FSCN1: variants seen among roughly 807,000 people sequenced by gnomAD.
The protein encoded by FSCN1 is fascin actin-bundling protein 1.
A neutral mutation model predicts 39.7 loss-of-function variants in FSCN1; 10 were observed. The ratio of observed to expected loss-of-function variants is 0.25; its 90% CI spans 0.16 to 0.43. The LOEUF (loss-of-function observed/expected upper bound fraction) is 0.43, where lower values mean the gene tolerates loss of function less well. Ranked by LOEUF, FSCN1 falls within the 20% of genes least tolerant of loss-of-function variation. FSCN1 has a pLI of 1.00. For synonymous variants in FSCN1, 322 were observed against 320.0 expected (o/e 1.01, Z -0.07); for missense variants, 525 against 723.8 (o/e 0.73, Z 3.15).
chr7:5,592,950 G>C lies in FSCN1; in HGVS notation c.14G>C (p.Gly5Ala). The change falls in exon 1 of 5, where the codon GGC becomes GCC. Residue 5 changes from glycine (G) to alanine (A), a missense_variant. Physicochemically the swap from Gly to Ala is moderately conservative, Grantham distance 60. Around this residue, in one of 3 missense-constraint regions of FSCN1, gnomAD observed 246 missense variants for 350.6 expected, o/e 0.70. Coordinates refer to ENST00000382361, the MANE Select transcript of FSCN1 (RefSeq NM_003088.4). The surrounding 1 kb of genome is among the most constrained non-coding windows in gnomAD (Gnocchi z 5.3). Reference protein sequence around the residue: MTANGTAEAVQIQFG... With the variant: MTANATAEAVQIQFG... ...TCTACTGCCACCATGACCGCCAACG[G>C]CACAGCCGAGGCGGTGCAGATCCAG... is the stretch of plus-strand genomic sequence containing the variant. The C allele has an allele frequency of 6.5e-7, 1 of 1,547,870 alleles. No homozygotes were observed. Among genetic ancestry groups the C allele is most frequent in the Non-Finnish European group, 8.7e-7 (1 of 1,146,466 alleles).
chr7:5,605,261 C>T lies in FSCN1; in HGVS notation c.1280-11C>T, dbSNP rs1346963520. ...GGCTTTGGGCCCCACTTGATAAAGT[C>T]CCCTCCCCAGACTCCACAGGCAAAT... On this transcript the variant is annotated splice_polypyrimidine_tract_variant and intron_variant, in intron 4 of 4. Transcript: ENST00000382361. This position sits in a 1 kb window ranked among gnomAD's most constrained non-coding sequence, Gnocchi z 6.9. 1.2e-6 allele frequency: 2 copies of T among 1,607,556 alleles called. No individual in the cohort carries two copies. The highest frequency in any genetic ancestry group is 2.2e-5 in the East Asian group (1 of 44,826).
intron 1 of FSCN1, 163 bp downstream of exon 1, chr7:5,593,931 G>A: frequency 2.7e-5 from 16 of 584,846 alleles, no homozygotes; most frequent in South Asian, 2.7e-4. Context: ...CCTGGAGGGG[G>A]CGAGGAGTGG....
intron 1 of FSCN1, among the ~76,000 whole-genome samples, chr7:5,601,679 T>C (rs1186840819): frequency 4.6e-5 from 7 of 151,632 alleles, no homozygotes; most frequent in African/African-American, 1.5e-4. Flanking sequence ...CTGTACCAAA[T>C]AGAAAAAAAA....
chr7:5,593,185 G>C lies in FSCN1; in HGVS notation c.249G>C (p.Glu83Asp), dbSNP rs777152271. ...DKDGNVTCER[E>D]VPGPDCRFLI... ...ACGGCAACGTGACCTGCGAGCGCGAGGTGCCCGGTCCCGACTGCCGTTTCC... is the reference window on the plus strand; with the variant it reads ...ACGGCAACGTGACCTGCGAGCGCGACGTGCCCGGTCCCGACTGCCGTTTCC... The change falls in exon 1 of 5, where the codon GAG becomes GAC. Residue 83 changes from glutamate to aspartate, a missense_variant. Physicochemically the swap from Glu to Asp is conservative, Grantham distance 45. Around this residue, in one of 3 missense-constraint regions of FSCN1, gnomAD observed 246 missense variants for 350.6 expected, o/e 0.70. Transcript: ENST00000382361. The C allele has an allele frequency of 1.0e-5, 16 of 1,602,668 alleles. No homozygotes were observed. The highest frequency in any genetic ancestry group is 1.1e-5 in the Non-Finnish European group (13 of 1,175,936).
Position 5,603,077 on chromosome 7 carries a change from C to A in FSCN1, c.833-180C>A. The A allele has an allele frequency of 3.1e-6, 2 of 653,818 alleles. No homozygotes were observed. The highest frequency in any genetic ancestry group is 2.7e-5 in the Admixed American group (1 of 36,518). The allele number at this position is 653,818 out of a possible 1,614,324, so 40.5% of individuals were successfully genotyped here. A position where few individuals can be genotyped will look rare whatever the true frequency, so the allele number is the denominator to read the frequency against. On this transcript the variant is annotated intron_variant, in intron 1 of 4. Transcript: ENST00000382361. This position sits in a 1 kb window ranked among gnomAD's most constrained non-coding sequence, Gnocchi z 8.5. ...GTAGCTTGCCTTGGCCTCTGACCGG[C>A]CCTGCCTGCGTTCCTGGGTGCTCTC... is the stretch of plus-strand genomic sequence containing the variant.
At chr7:5,596,312 C>T (rs767424103) in intron 1 of FSCN1, among the ~76,000 whole-genome samples, 2 of 152,150 alleles carry the variant, frequency 1.3e-5, no homozygotes, top group Non-Finnish European at 2.9e-5. Context: ...CAGGCCTGCA[C>T]GGGCGGGCCC....
Position 5,593,014 on chromosome 7 carries a change from C to G in FSCN1, c.78C>G (p.Ala26=), listed in dbSNP as rs1338118520. The G allele has an allele frequency of 5.0e-6, 8 of 1,596,274 alleles. No individual in the cohort carries two copies. The South Asian group carries it at 7.9e-5, about 16-fold the overall frequency. The change falls in exon 1 of 5, where the codon GCC becomes GCG. Residue 26 remains alanine, a synonymous_variant. Transcript: ENST00000382361. The part of the protein sequence containing the change: ...LINCGNKYLT[A]EAFGFKVNAS... ...ACTGCGGCAACAAGTACCTGACGGC[C>G]GAGGCGTTCGGGTTCAAGGTGAACG... is the stretch of plus-strand genomic sequence containing the variant.
chr7:5,602,597 A>G (rs1785854960), intron 1 of FSCN1, among the ~76,000 whole-genome samples: 1 of 152,228 alleles, frequency 6.6e-6, no homozygotes. Context: ...TTATGTAACC[A>G]CAACGTGATC....
At chr7:5,597,346 G>A (rs760713494) in intron 1 of FSCN1, among the ~76,000 whole-genome samples, 3 of 152,142 alleles carry the variant, frequency 2.0e-5, no homozygotes, top group Non-Finnish European at 2.9e-5. Flanking sequence ...TCCAGCCTGG[G>A]CAACAGAACG....
chr7:5,595,208 A>T (rs919033894), intron 1 of FSCN1, among the ~76,000 whole-genome samples: 3 of 152,118 alleles, frequency 2.0e-5, no homozygotes, highest in African/African-American at 7.2e-5. Context: ...AAGACCCCCC[A>T]TGGCAGTGGG....
rs146612530 is a variant in FSCN1 at position 5,603,988 on chromosome 7, G to C, written c.1237G>C (p.Val413Leu). ...GGACGCCAACCGCTCCAGCTATGAC[G>C]TCTTCCAGCTGGAGTTCAACGATGG... Reference protein sequence around the residue: ...TLDANRSSYDVFQLEFNDGAY... With the variant: ...TLDANRSSYDLFQLEFNDGAY... Residue 413 changes from valine to leucine, a missense_variant, in exon 4 of 5, where the codon GTC (valine) becomes CTC (leucine). This residue lies in a region of FSCN1 where 275 missense variants were observed against 351.9 expected (regional missense o/e 0.78). Coordinates refer to ENST00000382361, the MANE Select transcript of FSCN1 (RefSeq NM_003088.4). The surrounding 1 kb of genome is among the most constrained non-coding windows in gnomAD (Gnocchi z 8.5). 21 of 1,613,766 alleles carry C rather than the reference G, an allele frequency of 1.3e-5. No individual in the cohort carries two copies. Among genetic ancestry groups the C allele is most frequent in the Non-Finnish European group, 1.7e-5 (20 of 1,179,994 alleles).
chr7:5,592,958 G>C lies in FSCN1; in HGVS notation c.22G>C (p.Glu8Gln). 1.3e-6 allele frequency: 2 copies of C among 1,564,848 alleles called. No homozygotes were observed. Among genetic ancestry groups the C allele is most frequent in the African/African-American group, 1.4e-5 (1 of 73,710 alleles). Reference protein sequence around the residue: MTANGTAEAVQIQFGLIN... With the variant: MTANGTAQAVQIQFGLIN... The stretch of plus-strand genomic sequence containing the variant: ...CACCATGACCGCCAACGGCACAGCC[G>C]AGGCGGTGCAGATCCAGTTCGGCCT... The change falls in exon 1 of 5, where the codon GAG becomes CAG. Residue 8 changes from glutamate (E) to glutamine (Q), a missense_variant. Coordinates refer to ENST00000382361, the MANE Select transcript of FSCN1 (RefSeq NM_003088.4). This position sits in a 1 kb window ranked among gnomAD's most constrained non-coding sequence, Gnocchi z 5.3.
Position 5,603,896 on chromosome 7 carries a change from A to G in FSCN1, c.1145A>G (p.Asn382Ser). ...DSELFLMKLI[N>S]RPIIVFRGEH... Reference sequence around the variant, plus strand: ...GAGCTCTTCCTCATGAAGCTCATCAACCGCCCCATCATCGTGTTCCGCGGG... The same window carrying G: ...GAGCTCTTCCTCATGAAGCTCATCAGCCGCCCCATCATCGTGTTCCGCGGG... The change falls in exon 4 of 5, where the codon AAC (asparagine) becomes AGC (serine). Residue 382 changes from asparagine (N) to serine (S), a missense_variant. Around this residue, in one of 3 missense-constraint regions of FSCN1, gnomAD observed 275 missense variants for 351.9 expected, o/e 0.78. Coordinates refer to ENST00000382361, the MANE Select transcript of FSCN1 (RefSeq NM_003088.4). The surrounding 1 kb of genome is among the most constrained non-coding windows in gnomAD (Gnocchi z 8.5). 1.2e-6 allele frequency: 2 copies of G among 1,613,856 alleles called. No individual in the cohort carries two copies. Among genetic ancestry groups the G allele is most frequent in the Non-Finnish European group, 1.7e-6 (2 of 1,179,980 alleles).
intron 4 of FSCN1, among the ~76,000 whole-genome samples, chr7:5,604,351 G>C (rs1785893761): frequency 6.6e-6 from 1 of 151,462 alleles, no homozygotes; most frequent in African/African-American, 2.4e-5. Context: ...GGAGAGGAGA[G>C]CAGGGGTGGG....
chr7:5,600,449 G>A (rs1245754954), intron 1 of FSCN1, among the ~76,000 whole-genome samples: 2 of 152,110 alleles, frequency 1.3e-5, no homozygotes, highest in South Asian at 2.1e-4. Context: ...ATAGCTTAGG[G>A]GAGCAAAACC....
At chr7:5,604,696 C>T (rs892332161) in intron 4 of FSCN1, among the ~76,000 whole-genome samples, 14 of 151,878 alleles carry the variant, frequency 9.2e-5, no homozygotes, top group South Asian at 2.1e-4. Context: ...AGTGCAGTGG[C>T]GTTATCTCGG....
intron 1 of FSCN1, among the ~76,000 whole-genome samples, chr7:5,602,431 G>A (rs142450884): frequency 6.6e-6 from 1 of 151,988 alleles, no homozygotes; most frequent in Non-Finnish European, 1.5e-5. Flanking sequence ...TGAACCCCCA[G>A]ACACGGCCCC....
intron 1 of FSCN1, among the ~76,000 whole-genome samples, chr7:5,600,957 T>TAC (rs1785818973): frequency 8.0e-6 from 1 of 125,542 alleles, no homozygotes; most frequent in Non-Finnish European, 1.7e-5. Context: ...CCTGGTCCTT[T>TAC]TTTTTGTATT....
Position 5,605,337 on chromosome 7 carries a change from G to A in FSCN1, c.1345G>A (p.Val449Met). ...SAVTSSGDTP[V>M]DFFFEFCDYN... ...GGTCACCAGCAGCGGCGACACTCCT[G>A]TGGACTTCTTCTTCGAGTTCTGCGA... Residue 449 changes from valine (V) to methionine (M), a missense_variant, in exon 5 of 5, where the codon GTG becomes ATG. Physicochemically the swap from Val to Met is conservative, Grantham distance 21. Coordinates refer to ENST00000382361, the MANE Select transcript of FSCN1 (RefSeq NM_003088.4). The surrounding 1 kb of genome is among the most constrained non-coding windows in gnomAD (Gnocchi z 6.9). 1 of 1,613,912 alleles carries A rather than the reference G, an allele frequency of 6.2e-7. No individual in the cohort carries two copies. The highest frequency in any genetic ancestry group is 8.5e-7 in the Non-Finnish European group (1 of 1,179,818).
Sources: allele counts gnomAD v4.1 joint callset (sites outside exome capture counted in the v4.1 genomes callset), GRCh38; gene constraint gnomAD v4.1.1; regional missense constraint gnomAD v4.1.1; non-coding constraint Gnocchi (gnomAD v3.1); transcripts MANE v1.5; gene names NCBI Gene and HGNC (gene_info 2026-07-23, HGNC 2026-07-21).